The following EPC1 variants were observed in gnomAD, a reference collection of about 807,000 sequenced individuals.
EPC1 encodes the protein enhancer of polycomb 1, also known as enhancer of polycomb homolog 1.
In EPC1, 12 loss-of-function variants were observed where a neutral mutation model predicts 98.4. That is an observed-to-expected ratio of 0.12 (90% CI 0.08 to 0.20). EPC1 has a LOEUF of 0.20. EPC1 is among the 10% of genes least tolerant of loss of function. EPC1 has a pLI of 1.00. For missense variants in EPC1, 729 were observed against 990.5 expected (o/e 0.74, Z 3.54); for synonymous variants, 357 against 363.9 (o/e 0.98, Z 0.21).
intron 1 of EPC1, among the ~76,000 whole-genome samples, chr10:32,326,376 CTGTCGCCAG>C (rs1837278069): frequency 6.6e-6 from 1 of 152,142 alleles, no homozygotes; most frequent in South Asian, 2.1e-4. Flanking sequence ...ACTCTTCCAC[CTGTCGCCAG>C]GCTTGAGATG....
At chr10:32,320,191 G>GT (rs374061587) in intron 1 of EPC1, among the ~76,000 whole-genome samples, 27,589 of 145,208 alleles carry the variant, frequency 0.19, 2,628 homozygotes, top group South Asian at 0.35. Context: ...AATAATGGTT[G>GT]TTTTTTTTTT....
At chr10:32,359,360 T>C (rs537501381) in intron 1 of EPC1, among the ~76,000 whole-genome samples, 1 of 152,338 alleles carries the variant, frequency 6.6e-6, no homozygotes, top group South Asian at 2.1e-4. Flanking sequence ...TACACTTTGA[T>C]AGTATATATG....
chr10:32,305,795 G>A lies in EPC1; in HGVS notation c.290C>T (p.Pro97Leu). The stretch of plus-strand genomic sequence containing the variant: ...ACGCTGTATGTGAATGAGCTGCTTT[G>A]GCATCTTAAATTCCCCAGGATATAT... ...ESIYPGEFKM[P>L]KQLIHIQPFS... The change falls in exon 2 of 14, where the codon CCA (proline) becomes CTA (leucine). Residue 97 changes from proline to leucine, a missense_variant. This residue lies in a region of EPC1 where 94 missense variants were observed against 125.1 expected (regional missense o/e 0.75). Transcript: ENST00000319778. 6.2e-7 allele frequency: 1 copy of A among 1,603,534 alleles called. No individual in the cohort carries two copies. Among genetic ancestry groups the A allele is most frequent in the Non-Finnish European group, 8.5e-7 (1 of 1,176,142 alleles).
chr10:32,360,863 C>A (rs1389768304), intron 1 of EPC1, among the ~76,000 whole-genome samples: 2 of 147,848 alleles, frequency 1.4e-5, no homozygotes, highest in Non-Finnish European at 3.0e-5. Context: ...CACTGCATTC[C>A]AGCCTGGGCG....
At chr10:32,303,140 C>T (rs1765044556) in intron 2 of EPC1, among the ~76,000 whole-genome samples, 1 of 152,078 alleles carries the variant, frequency 6.6e-6, no homozygotes, top group African/African-American at 2.4e-5. Context: ...CCTATTTCTA[C>T]TAAAAGTACA....
chr10:32,335,927 T>C (rs1445033661), intron 1 of EPC1, among the ~76,000 whole-genome samples: 1 of 152,134 alleles, frequency 6.6e-6, no homozygotes, highest in African/African-American at 2.4e-5. Flanking sequence ...GCACTCCCAA[T>C]GTAACAAATC....
intron 1 of EPC1, among the ~76,000 whole-genome samples, chr10:32,344,801 G>GA (rs969283412): frequency 3.3e-5 from 5 of 151,424 alleles, no homozygotes; most frequent in African/African-American, 9.7e-5. Context: ...AAGAAAAGAA[G>GA]AAAAATCTAA....
chr10:32,305,730 A>G (rs776136350), intron 2 of EPC1, 42 bp downstream of exon 2: 6 of 1,491,746 alleles, frequency 4.0e-6, no homozygotes, highest in Non-Finnish European at 5.3e-6. Flanking sequence ...ACATAATAAG[A>G]GAAATATAGA....
At chr10:32,281,647 T>C (rs912166831) in intron 10 of EPC1, 20 of 150,800 alleles carry the variant, frequency 1.3e-4, no homozygotes, top group Non-Finnish European at 1.5e-5. Context: ...TAGAATTCTG[T>C]ATAACATTTG....
chr10:32,323,709 C>A (rs1162288891), intron 1 of EPC1, among the ~76,000 whole-genome samples: 1 of 152,130 alleles, frequency 6.6e-6, no homozygotes, highest in Non-Finnish European at 1.5e-5. Context: ...ACTGAAACAA[C>A]AAATGGACAT....
chr10:32,333,693 T>A (rs1014745530), intron 1 of EPC1, among the ~76,000 whole-genome samples: 2 of 152,220 alleles, frequency 1.3e-5, no homozygotes, highest in African/African-American at 4.8e-5. Flanking sequence ...TACCTCAGAA[T>A]ACTACTTTGT....
At chr10:32,339,623 A>G (rs552485392) in intron 1 of EPC1, among the ~76,000 whole-genome samples, 13 of 152,346 alleles carry the variant, frequency 8.5e-5, no homozygotes, top group African/African-American at 2.9e-4. Context: ...CTAAGGACAC[A>G]AAATACATCT....
At chr10:32,378,183 G>T (rs1408920166) in intron 1 of EPC1, among the ~76,000 whole-genome samples, 1 of 152,078 alleles carries the variant, frequency 6.6e-6, no homozygotes, top group Non-Finnish European at 1.5e-5. Flanking sequence ...AAGAGGATAT[G>T]CACATATTTG....
chr10:32,299,647 G>A (rs1835377888), intron 2 of EPC1, among the ~76,000 whole-genome samples: 2 of 151,952 alleles, frequency 1.3e-5, no homozygotes. Context: ...TTCTTGGCTA[G>A]GTTATTGCAA....
At chr10:32,331,318 C>T (rs1837626686) in intron 1 of EPC1, among the ~76,000 whole-genome samples, 1 of 150,896 alleles carries the variant, frequency 6.6e-6, no homozygotes, top group African/African-American at 2.4e-5. Flanking sequence ...CACCATTGCA[C>T]TCCAGCCTGG....
intron 1 of EPC1, among the ~76,000 whole-genome samples, chr10:32,308,574 C>CT (rs1564538647): frequency 6.6e-6 from 1 of 152,024 alleles, no homozygotes; most frequent in Non-Finnish European, 1.5e-5. Context: ...AAAGATCTAC[C>CT]TTTTTTCCCC....
chr10:32,315,572 A>T (rs1447446697), intron 1 of EPC1, among the ~76,000 whole-genome samples: 6 of 152,236 alleles, frequency 3.9e-5, no homozygotes, highest in African/African-American at 1.4e-4. Context: ...GTAAGAAGCT[A>T]CTTAAGAAGT....
At chr10:32,369,540 T>C (rs944088611) in intron 1 of EPC1, among the ~76,000 whole-genome samples, 14 of 152,138 alleles carry the variant, frequency 9.2e-5, no homozygotes, top group Non-Finnish European at 2.9e-5. Context: ...GACCAAAAAA[T>C]TTACTTGGGA....
At chr10:32,299,941 G>C (rs148637052) in intron 2 of EPC1, among the ~76,000 whole-genome samples, 3,057 of 151,924 alleles carry the variant, frequency 0.02, 40 homozygotes, top group South Asian at 0.045. Context: ...TGAGACGGAA[G>C]CTCGCTCTGT....
Sources: allele counts gnomAD v4.1 joint callset (sites outside exome capture counted in the v4.1 genomes callset), GRCh38; gene constraint gnomAD v4.1.1; regional missense constraint gnomAD v4.1.1; transcripts MANE v1.5; gene names NCBI Gene and HGNC (gene_info 2026-07-23, HGNC 2026-07-21).